The following RBM39 variants were observed in gnomAD, a reference collection of about 807,000 sequenced individuals.
The protein encoded by RBM39 is RNA binding motif protein 39, also known as RNA-binding protein 39.
In RBM39, 12 loss-of-function variants were observed where a neutral mutation model predicts 79.6. The observed-to-expected ratio is 0.15, with a 90% CI of 0.10 to 0.24. The LOEUF is 0.24. Among genes scored for constraint, RBM39 ranks in the 10% least tolerant of loss-of-function variants. The pLI, the probability that RBM39 is intolerant of heterozygous loss-of-function variation, is 1.00. For missense variants in RBM39, 243 were observed against 653.4 expected (o/e 0.37, Z 6.85); for synonymous variants, 185 against 208.4 (o/e 0.89, Z 0.97).
chr20:35,724,254 C>A (rs540988695), intron 8 of RBM39, among the ~76,000 whole-genome samples: 82 of 152,068 alleles, frequency 5.4e-4, no homozygotes, highest in African/African-American at 1.8e-3. Context: ...ATCGCTTGAA[C>A]CCAGGAGGTG....
chr20:35,710,752 T>C (rs192826070), intron 12 of RBM39, among the ~76,000 whole-genome samples: 2 of 152,212 alleles, frequency 1.3e-5, no homozygotes, highest in African/African-American at 2.4e-5. Context: ...TGGAGAAAAA[T>C]ATCCAGTTAC....
chr20:35,736,527 G>T (rs532461902), intron 3 of RBM39: 1 of 469,496 alleles, frequency 2.1e-6, no homozygotes, highest in East Asian at 6.9e-5. Flanking sequence ...CACAGTTGTA[G>T]TGAGAAAGAC....
chr20:35,718,110 C>T (rs1181459938), intron 9 of RBM39, among the ~76,000 whole-genome samples: 4 of 152,062 alleles, frequency 2.6e-5, no homozygotes, highest in African/African-American at 4.8e-5. Flanking sequence ...CCACCCGCCT[C>T]GGCCTCCCAA....
intron 8 of RBM39, among the ~76,000 whole-genome samples, chr20:35,722,214 T>C (rs527641575): frequency 2.0e-5 from 3 of 152,038 alleles, no homozygotes; most frequent in Admixed American, 6.6e-5. Flanking sequence ...AAGACCATAC[T>C]GGCTAACACA....
intron 12 of RBM39, among the ~76,000 whole-genome samples, chr20:35,712,692 A>G (rs1427490352): frequency 2.6e-5 from 4 of 152,100 alleles, no homozygotes; most frequent in Non-Finnish European, 4.4e-5. Context: ...GATATTTTCT[A>G]AATTCTAATA....
chr20:35,715,868 GTCTTCCTCTC>G (rs1032589363), intron 10 of RBM39, among the ~76,000 whole-genome samples: 2 of 149,606 alleles, frequency 1.3e-5, no homozygotes, highest in Non-Finnish European at 2.9e-5. Flanking sequence ...TTCACAGGAT[GTCTTCCTCTC>G]TCTTCCTCTC....
At chr20:35,705,944 G>A (rs527803037) in intron 14 of RBM39, among the ~76,000 whole-genome samples, 15 of 152,170 alleles carry the variant, frequency 9.9e-5, no homozygotes, top group Non-Finnish European at 2.1e-4. Context: ...GCTCATGCCT[G>A]TAATTTCAGC....
At chr20:35,724,807 G>A (rs1387880270) in intron 7 of RBM39, 85 bp from the exon 8 acceptor site, 12 of 1,451,846 alleles carry the variant, frequency 8.3e-6, no homozygotes, top group African/African-American at 2.9e-5. Context: ...AAGGATGAAG[G>A]TATTTTTAAA....
At chr20:35,722,434 A>T (rs1350989421) in intron 8 of RBM39, among the ~76,000 whole-genome samples, 26 of 135,502 alleles carry the variant, frequency 1.9e-4, no homozygotes, top group African/African-American at 7.0e-4. Context: ...AAAAAAAAAT[A>T]AAAATAAAAA....
At position 35,703,552 on chromosome 20, in the gene RBM39, T is replaced by A. The variant is rs1185522384; in HGVS notation, c.*929A>T. 1 of 152,564 alleles carries A rather than the reference T, an allele frequency of 6.6e-6. No homozygotes were observed. Among genetic ancestry groups the A allele is most frequent in the Non-Finnish European group, 1.5e-5 (1 of 68,034 alleles). 9.5% of individuals were successfully genotyped at this position (152,564 alleles called of 1,614,324 possible). On this transcript the variant is annotated 3_prime_UTR_variant, in exon 17 of 17. Transcript: ENST00000253363. ...GTACTGAATTGAGACTAAAAGAAGC[T>A]AATTCTGTTCTCAAATTTCTGTAAC...
At position 35,741,982 on chromosome 20, in the gene RBM39, A is replaced by C; in HGVS notation, c.-55T>G. 1 of 242,938 alleles carries C rather than the reference A, an allele frequency of 4.1e-6. No homozygotes were observed. The highest frequency in any genetic ancestry group is 4.1e-5 in the South Asian group (1 of 24,582). The allele number at this position is 242,938 out of a possible 1,614,324, so 15.0% of individuals were successfully genotyped here. A position where few individuals can be genotyped will look rare whatever the true frequency, so the allele number is the denominator to read the frequency against. On this transcript the variant is annotated 5_prime_UTR_variant, in exon 1 of 17. Coordinates refer to ENST00000253363, the MANE Select transcript of RBM39 (RefSeq NM_184234.3). ...GCGCCTGTGGTGCTCGTGTTCGGGA[A>C]GAGATTGCTGCTGCTGCTGCTGCTG...
At chr20:35,705,059 T>G in intron 15 of RBM39, 166 bp downstream of exon 15, 1 of 612,298 alleles carries the variant, frequency 1.6e-6, no homozygotes, top group Non-Finnish European at 2.8e-6. Flanking sequence ...CTGATTTTCT[T>G]TTATTTTGGA....
intron 2 of RBM39, chr20:35,740,496 G>A (rs1018843822): frequency 5.6e-6 from 7 of 1,258,206 alleles, no homozygotes; most frequent in African/African-American, 1.5e-5. Context: ...AGGGGACCAC[G>A]GTACAGCGAT....
rs139730099 is a variant in RBM39, at chr20:35,734,453, T to C, written c.102-2318A>G. 1.3e-3 allele frequency: 310 copies of C among 245,894 alleles called. 1 individual carries two copies. Among genetic ancestry groups the C allele is most frequent in the African/African-American group, 6.7e-3 (296 of 44,188 alleles). The allele number at this position is 245,894 out of a possible 1,614,324, so 15.2% of individuals were successfully genotyped here. A position where few individuals can be genotyped will look rare whatever the true frequency, so the allele number is the denominator to read the frequency against. On this transcript the variant is annotated intron_variant, in intron 3 of 16. Transcript: ENST00000253363. Reference sequence around the variant, plus strand: ...TGACACTATTCCAACTATAGAACTCTGAGATTTCTAAAACCAAAAGTCCTA... The same window carrying C: ...TGACACTATTCCAACTATAGAACTCCGAGATTTCTAAAACCAAAAGTCCTA...
At chr20:35,714,732 C>G (rs1216311601) in intron 10 of RBM39, among the ~76,000 whole-genome samples, 1 of 152,070 alleles carries the variant, frequency 6.6e-6, no homozygotes, top group African/African-American at 2.4e-5. Context: ...AGGCAGACCA[C>G]CTGAGGTAGA....
intron 10 of RBM39, among the ~76,000 whole-genome samples, chr20:35,715,804 T>G (rs1179426795): frequency 6.6e-6 from 1 of 152,176 alleles, no homozygotes; most frequent in Admixed American, 6.5e-5. Context: ...AGATCCCTCA[T>G]GAATGGCTTG....
chr20:35,725,251 G>A (rs1197684555), intron 6 of RBM39, 96 bp from the exon 7 acceptor site: 5 of 846,430 alleles, frequency 5.9e-6, no homozygotes, highest in Admixed American at 2.8e-5. Flanking sequence ...AGGTTTTCAG[G>A]TACAGGTGGG....
chr20:35,726,549 G>A (rs755000398), intron 6 of RBM39, among the ~76,000 whole-genome samples: 77 of 152,154 alleles, frequency 5.1e-4, no homozygotes, highest in Non-Finnish European at 1.1e-3. Context: ...TCAGTGTAAT[G>A]GATGATTCTT....
chr20:35,716,074 A>AT (rs1010118079), intron 10 of RBM39, among the ~76,000 whole-genome samples: 1 of 151,684 alleles, frequency 6.6e-6, no homozygotes, highest in Non-Finnish European at 1.5e-5. Flanking sequence ...TTATAGTTTT[A>AT]TTTTTTTTCA....
Sources: gnomAD v4.1 joint callset for allele counts (sites outside exome capture counted in the v4.1 genomes callset) on GRCh38, gnomAD v4.1.1 for gene constraint, MANE v1.5 for transcripts, NCBI Gene and HGNC (gene_info 2026-07-23, HGNC 2026-07-21) for gene names.